Variants in ZNF407 observed in about 807,000 individuals in gnomAD.
ZNF407 encodes the protein zinc finger protein 407.
ZNF407 carries 17 observed loss-of-function variants against 131.2 expected under a neutral mutation model. That is an observed-to-expected ratio of 0.13 (90% CI 0.09 to 0.19). The LOEUF (loss-of-function observed/expected upper bound fraction) is 0.19. Ranked by LOEUF, ZNF407 falls within the 10% of genes least tolerant of loss-of-function variation. The probability of loss-of-function intolerance (pLI) is 1.00; values close to 1 mark genes in which losing one functional copy is unlikely to be tolerated. For missense variants in ZNF407, 2,681 were observed against 2,830.6 expected (o/e 0.95, Z 1.20); for synonymous variants, 1,156 against 1,062.0 (o/e 1.09, Z -1.72).
chr18:74,626,336 T>C (rs1457304294), intron 1 of ZNF407, among the ~76,000 whole-genome samples: 2 of 152,242 alleles, frequency 1.3e-5, no homozygotes, highest in East Asian at 3.8e-4. Flanking sequence ...CCATCTGCCC[T>C]ATAACGCAGC....
intron 3 of ZNF407, among the ~76,000 whole-genome samples, chr18:74,734,525 A>C (rs1968366206): frequency 6.6e-6 from 1 of 152,196 alleles, no homozygotes; most frequent in East Asian, 1.9e-4. Flanking sequence ...ATCTTTTATA[A>C]GTGTTTTTAA....
At chr18:74,781,584 CTTTT>C in intron 4 of ZNF407, 82 bp downstream of exon 4, 1 of 1,052,938 alleles carries the variant, frequency 9.5e-7, no homozygotes, top group African/African-American at 1.7e-5. Context: ...GACTTCTAGA[CTTTT>C]TTTTCACATC....
chr18:74,611,438 A>C (rs562557054), intron 1 of ZNF407, among the ~76,000 whole-genome samples: 5 of 152,342 alleles, frequency 3.3e-5, no homozygotes, highest in Admixed American at 3.3e-4. Flanking sequence ...AGAACAACAG[A>C]AAAGGGGACA....
At chr18:74,774,117 A>T (rs1012368497) in intron 3 of ZNF407, among the ~76,000 whole-genome samples, 2 of 152,250 alleles carry the variant, frequency 1.3e-5, no homozygotes, top group Non-Finnish European at 2.9e-5. Context: ...AGACATAATT[A>T]CGGTAATAGA....
chr18:74,900,424 C>T (rs925696430), intron 7 of ZNF407, among the ~76,000 whole-genome samples: 1 of 152,160 alleles, frequency 6.6e-6, no homozygotes, highest in African/African-American at 2.4e-5. Context: ...TATTCTGTCT[C>T]CTCCCTACCT....
intron 3 of ZNF407, among the ~76,000 whole-genome samples, chr18:74,765,577 C>A (rs1293327467): frequency 6.6e-6 from 1 of 152,220 alleles, no homozygotes. Flanking sequence ...TGATGGGAGC[C>A]TGTGTGAGCC....
At chr18:74,823,670 A>G (rs950422626) in intron 4 of ZNF407, among the ~76,000 whole-genome samples, 2 of 152,228 alleles carry the variant, frequency 1.3e-5, no homozygotes, top group African/African-American at 4.8e-5. Flanking sequence ...AACTATCGTA[A>G]ATATGTATGC....
rs1967582701 is a variant in ZNF407, at chr18:74,704,694, C to T, written c.4802+63572C>T. On this transcript the variant is annotated intron_variant, in intron 3 of 8. Transcript: ENST00000299687. ...GGAAGCATAAGTTTGAATTTTGTCG[C>T]TTAAGTTGCGTGCTCTTTGCATTAG... Among the ~76,000 whole-genome samples, 2 of 152,138 alleles carry T rather than the reference C, an allele frequency of 1.3e-5. 1 individual carries two copies. The highest frequency in any genetic ancestry group is 4.1e-4 in the South Asian group (2 of 4,824).
intron 4 of ZNF407, among the ~76,000 whole-genome samples, chr18:74,873,540 G>T (rs1314438031): frequency 6.6e-6 from 1 of 152,078 alleles, no homozygotes; most frequent in East Asian, 1.9e-4. Flanking sequence ...TAGAAAAAGT[G>T]CTTAGAATTT....
chr18:74,611,813 A>T (rs1411195699), intron 1 of ZNF407, among the ~76,000 whole-genome samples: 1 of 152,162 alleles, frequency 6.6e-6, no homozygotes, highest in Non-Finnish European at 1.5e-5. Context: ...CTGTGGACCT[A>T]CTGAATCAGC....
intron 3 of ZNF407, among the ~76,000 whole-genome samples, chr18:74,740,041 G>A (rs1057294343): frequency 6.6e-6 from 1 of 152,078 alleles, no homozygotes; most frequent in African/African-American, 2.4e-5. Context: ...CCACATATGG[G>A]GTGTCTTCAA....
chr18:74,631,190 G>A lies in ZNF407; in HGVS notation c.171G>A (p.Ser57=), dbSNP rs1019638074. The change falls in exon 2 of 9, where the codon TCG becomes TCA. Residue 57 remains serine, a synonymous_variant. Coordinates refer to ENST00000299687, the MANE Select transcript of ZNF407 (RefSeq NM_017757.3). ...SMGKRGFSES[S]NSDSVVIGED... is the part of the protein sequence containing the mutation. ...GCAAAAGAGGTTTTTCAGAATCATCGAACTCTGATAGTGTTGTTATAGGAG... is the reference window on the plus strand; with the variant it reads ...GCAAAAGAGGTTTTTCAGAATCATCAAACTCTGATAGTGTTGTTATAGGAG... 9.9e-6 allele frequency: 16 copies of A among 1,613,844 alleles called. No homozygotes were observed. Among genetic ancestry groups the A allele is most frequent in the Non-Finnish European group, 1.4e-5 (16 of 1,179,898 alleles).
chr18:74,849,975 G>A (rs1176662454), intron 4 of ZNF407, among the ~76,000 whole-genome samples: 2 of 152,268 alleles, frequency 1.3e-5, no homozygotes, highest in East Asian at 3.9e-4. Context: ...TCAGAAGAAA[G>A]CCTTTTGACT....
chr18:74,909,123 C>A (rs200699589), intron 7 of ZNF407, among the ~76,000 whole-genome samples: 21 of 147,056 alleles, frequency 1.4e-4, no homozygotes, highest in South Asian at 2.1e-4. Context: ...ATAAACAGGC[C>A]AAAAAAAAAA....
intron 4 of ZNF407, among the ~76,000 whole-genome samples, chr18:74,837,948 C>A (rs553072177): frequency 4.6e-5 from 7 of 152,230 alleles, no homozygotes; most frequent in Non-Finnish European, 8.8e-5. Flanking sequence ...CCCACTGCGT[C>A]TGGAGCATTT....
chr18:74,965,872 AT>A (rs1198860260), intron 8 of ZNF407, among the ~76,000 whole-genome samples: 2 of 152,318 alleles, frequency 1.3e-5, no homozygotes, highest in East Asian at 3.9e-4. Flanking sequence ...AGATGATGCA[AT>A]ATCTCATTGT....
intron 3 of ZNF407, among the ~76,000 whole-genome samples, chr18:74,692,973 C>G (rs191386644): frequency 6.6e-6 from 1 of 152,204 alleles, no homozygotes; most frequent in Non-Finnish European, 1.5e-5. Context: ...ATCTCAGTTT[C>G]CCCACATGCC....
chr18:74,952,755 C>G lies in ZNF407; in HGVS notation c.5428+32063C>G, dbSNP rs926804548. On this transcript the variant is annotated intron_variant, in intron 8 of 8. Coordinates refer to ENST00000299687, the MANE Select transcript of ZNF407 (RefSeq NM_017757.3). Reference sequence around the variant, plus strand: ...TGATGTGTTTTGACAGAAGTATAAACCCTTGAAACCATGGCCATAATTAAA... The same window carrying G: ...TGATGTGTTTTGACAGAAGTATAAAGCCTTGAAACCATGGCCATAATTAAA... Among the ~76,000 whole-genome samples, 4 of 152,168 alleles carry G rather than the reference C, an allele frequency of 2.6e-5. No individual in the cohort carries two copies. In the South Asian group the frequency reaches 8.3e-4, roughly 32 times the overall value.
At chr18:74,856,062 T>G (rs1400144072) in intron 4 of ZNF407, among the ~76,000 whole-genome samples, 1 of 152,228 alleles carries the variant, frequency 6.6e-6, no homozygotes, top group Non-Finnish European at 1.5e-5. Flanking sequence ...TGAATAAAAT[T>G]GTTTTGTTCG....
Sources: gnomAD v4.1 joint callset for allele counts (sites outside exome capture counted in the v4.1 genomes callset) on GRCh38, gnomAD v4.1.1 for gene constraint, MANE v1.5 for transcripts, NCBI Gene and HGNC (gene_info 2026-07-23, HGNC 2026-07-21) for gene names.